SPHKAP: variants seen among roughly 807,000 people sequenced by gnomAD.
SPHKAP encodes SPHK1 interactor, AKAP domain containing, also known as A-kinase anchor protein SPHKAP.
SPHKAP carries 67 observed loss-of-function variants against 137.5 expected under a neutral mutation model. That is an observed-to-expected ratio of 0.49 (90% confidence interval 0.40 to 0.60). The LOEUF is 0.60. SPHKAP is among the 20% of genes least tolerant of loss of function. The pLI, the probability that SPHKAP is intolerant of heterozygous loss-of-function variation, is 0.00. For synonymous variants in SPHKAP, 813 were observed against 785.3 expected, an observed-to-expected ratio of 1.04 and a Z score of -0.59; for missense variants, 2,097 against 2,069.3, an observed-to-expected ratio of 1.01 and a Z score of -0.26.
At chr2:228,122,889 C>T (rs1361515408) in intron 2 of SPHKAP, among the ~76,000 whole-genome samples, 1 of 152,160 alleles carries the variant, frequency 6.6e-6, no homozygotes, top group Non-Finnish European at 1.5e-5. Context: ...CATGGCTTCT[C>T]CTCTCTGTCT....
At chr2:228,174,319 A>G (rs1363231446) in intron 1 of SPHKAP, among the ~76,000 whole-genome samples, 1 of 150,400 alleles carries the variant, frequency 6.6e-6, no homozygotes, top group Non-Finnish European at 1.5e-5. Context: ...TTTTTTTCTC[A>G]TATGCTTCAA....
Position 227,991,078 on chromosome 2 carries a change from A to C in SPHKAP, c.4881T>G (p.Thr1627=). The C allele has an allele frequency of 6.2e-7, 1 of 1,614,150 alleles. No individual in the cohort carries two copies. The highest frequency in any genetic ancestry group is 8.5e-7 in the Non-Finnish European group (1 of 1,180,018). The change falls in exon 11 of 12, where the codon ACT becomes ACG. Residue 1627 remains threonine, a synonymous_variant. Coordinates refer to ENST00000392056, the MANE Select transcript of SPHKAP (RefSeq NM_001142644.2). ...PECPDAELRA[T]LQWIAASELG... is the part of the protein sequence containing the mutation. ...GTTCAGAGGCAGCTATCCACTGCAG[A>C]GTGGCTCGGAGCTCGGCATCTGGAC...
At chr2:228,113,873 A>G (rs1257436929) in intron 2 of SPHKAP, among the ~76,000 whole-genome samples, 1 of 152,072 alleles carries the variant, frequency 6.6e-6, no homozygotes, top group Non-Finnish European at 1.5e-5. Context: ...AGAGCCAAAT[A>G]AGTAAAAGAG....
chr2:228,011,427 C>A (rs1197873214), intron 7 of SPHKAP, among the ~76,000 whole-genome samples: 2 of 152,212 alleles, frequency 1.3e-5, no homozygotes, highest in Non-Finnish European at 2.9e-5. Context: ...CTGGTAGATG[C>A]CCTCAAGGGC....
intron 3 of SPHKAP, among the ~76,000 whole-genome samples, chr2:228,071,761 A>T (rs1697012610): frequency 1.3e-5 from 2 of 151,920 alleles, no homozygotes; most frequent in Non-Finnish European, 2.9e-5. Flanking sequence ...ACAGACCTCT[A>T]TCTATGGTAC....
In SPHKAP at chr2:228,070,343, G is replaced by A. The variant is rs538650945; in HGVS notation, c.246+38489C>T. 3.0e-4 allele frequency among the ~76,000 whole-genome samples: 45 copies of A among 152,312 alleles called. No individual in the cohort carries two copies. The South Asian group carries it at 9.3e-3, about 32-fold the overall frequency. ...TCCTACTGTCTCAAGGGCATTAAAG[G>A]TGGATGAAGTAGAGGAGGCGGAAGG... On this transcript the variant is annotated intron_variant, in intron 3 of 11. Transcript: ENST00000392056.
At chr2:228,046,301 T>TTTTC (rs1464082455) in intron 3 of SPHKAP, among the ~76,000 whole-genome samples, 2 of 148,768 alleles carry the variant, frequency 1.3e-5, no homozygotes, top group East Asian at 3.9e-4. Context: ...CTTTTTTTTT[T>TTTTC]TTTTTTTTTT....
intron 1 of SPHKAP, among the ~76,000 whole-genome samples, chr2:228,154,512 C>CTCTCTCTATATATATATATA (rs1393941364): frequency 4.1e-4 from 9 of 22,068 alleles, no homozygotes; most frequent in Non-Finnish European, 6.6e-4. Flanking sequence ...CTCTCTCTCT[C>CTCTCTCTATATATATATATA]TATATATATA....
intron 1 of SPHKAP, among the ~76,000 whole-genome samples, chr2:228,176,870 C>T (rs567014311): frequency 6.6e-6 from 1 of 152,130 alleles, no homozygotes; most frequent in Admixed American, 6.5e-5. Flanking sequence ...AGCGAAACTC[C>T]GTCTCAAAAA....
intron 1 of SPHKAP, among the ~76,000 whole-genome samples, chr2:228,149,728 C>CT (rs55811986): frequency 0.34 from 51,714 of 151,840 alleles, 9,052 homozygotes; most frequent in East Asian, 0.5. Flanking sequence ...AAAATTTTCC[C>CT]TTTTTTTGTG....
At chr2:228,088,645 G>C (rs1697619249) in intron 3 of SPHKAP, among the ~76,000 whole-genome samples, 2 of 152,174 alleles carry the variant, frequency 1.3e-5, no homozygotes, top group Admixed American at 1.3e-4. Context: ...GGAGGTGTTT[G>C]GGTCATGGAG....
At chr2:227,995,718 C>T in intron 7 of SPHKAP, 24 bp from the exon 8 acceptor site, 1 of 1,533,536 alleles carries the variant, frequency 6.5e-7, no homozygotes, top group Non-Finnish European at 8.7e-7. Context: ...GATATTATTA[C>T]CAAGAGAGGC....
intron 3 of SPHKAP, among the ~76,000 whole-genome samples, chr2:228,072,188 T>C (rs976296311): frequency 2.0e-5 from 3 of 152,218 alleles, no homozygotes; most frequent in African/African-American, 7.2e-5. Flanking sequence ...CTGGAATCTA[T>C]GCCATCAGCT....
Position 228,134,140 on chromosome 2 carries a change from G to GGGAA in SPHKAP, c.33-2056_33-2055insTTCC, listed in dbSNP as rs1553546417. Among the ~76,000 whole-genome samples the GGGAA allele has an allele frequency of 6.2e-5, 9 of 144,020 alleles. No homozygotes were observed. In the Admixed American group the frequency reaches 6.4e-4, roughly 10 times the overall value. The allele number at this position is 144,020 out of a possible 152,430, so 94.5% of individuals were successfully genotyped here. On this transcript the variant is annotated intron_variant, in intron 1 of 11. Transcript: ENST00000392056. ...AGAGAGAGAGAGAAAGAAAGAGAAA[G>GGGAA]AGAAAGAAAGAGGAAGAAAAGGAAG...
At position 228,019,023 on chromosome 2, in the gene SPHKAP, C is replaced by T. The variant is rs2106214256; in HGVS notation, c.1831G>A (p.Gly611Ser). ...AATCCCTTGGCAATGGCTTCCTTGC[C>T]AAGCTCCATGCTTGCTAAACCACAA... ...PLCGLASMEL[G>S]KEAIAKGLLK... Residue 611 changes from glycine (G) to serine (S), a missense_variant, in exon 7 of 12, where the codon GGC (glycine) becomes AGC (serine). Transcript: ENST00000392056. The T allele has an allele frequency of 2.5e-6, 4 of 1,614,020 alleles. No individual in the cohort carries two copies. In the South Asian group the frequency reaches 4.4e-5, roughly 18 times the overall value.
chr2:227,985,223 G>C (rs753948936), intron 11 of SPHKAP, among the ~76,000 whole-genome samples: 37 of 152,196 alleles, frequency 2.4e-4, no homozygotes, highest in Non-Finnish European at 4.4e-4. Flanking sequence ...TGATATCCCA[G>C]TAAAGTGGCA....
At chr2:228,163,466 A>T (rs1482286704) in intron 1 of SPHKAP, among the ~76,000 whole-genome samples, 1 of 152,114 alleles carries the variant, frequency 6.6e-6, no homozygotes, top group Non-Finnish European at 1.5e-5. Flanking sequence ...GTACTAAGTG[A>T]CCCACTACCA....
chr2:228,063,656 C>T (rs1696734681), intron 3 of SPHKAP, among the ~76,000 whole-genome samples: 1 of 152,134 alleles, frequency 6.6e-6, no homozygotes, highest in African/African-American at 2.4e-5. Flanking sequence ...GCTGAGTAAA[C>T]TGGATGTGAA....
At chr2:228,148,499 C>T (rs895177325) in intron 1 of SPHKAP, among the ~76,000 whole-genome samples, 2 of 152,174 alleles carry the variant, frequency 1.3e-5, no homozygotes, top group Non-Finnish European at 2.9e-5. Context: ...AGTTTGCTGT[C>T]TGGCTGAAGT....
Sources: allele counts gnomAD v4.1 joint callset (sites outside exome capture counted in the v4.1 genomes callset), GRCh38; gene constraint gnomAD v4.1.1; transcripts MANE v1.5; gene names NCBI Gene and HGNC (gene_info 2026-07-23, HGNC 2026-07-21).